Variants in INPP5A observed in about 807,000 individuals in gnomAD.
INPP5A encodes the protein 43 kDa inositol polyphosphate 5-phophatase.
A neutral mutation model predicts 65.2 loss-of-function variants in INPP5A; 14 were observed. That is an observed-to-expected ratio of 0.21 (90% CI 0.14 to 0.34). INPP5A has a LOEUF of 0.34. Among genes scored for constraint, INPP5A ranks in the 10% least tolerant of loss-of-function variants. INPP5A has a pLI of 1.00. For synonymous variants in INPP5A, 207 were observed against 208.3 expected (o/e 0.99, Z 0.05); for missense variants, 431 against 545.6 (o/e 0.79, Z 2.09).
intron 1 of INPP5A, among the ~76,000 whole-genome samples, chr10:132,607,667 G>C (rs886788562): frequency 6.6e-6 from 1 of 152,256 alleles, no homozygotes; most frequent in Non-Finnish European, 1.5e-5. Flanking sequence ...GACGCTGCCC[G>C]AGCTTTCCTG....
chr10:132,671,078 GTC>G, intron 4 of INPP5A, among the ~76,000 whole-genome samples: 1 of 152,066 alleles, frequency 6.6e-6, no homozygotes, highest in South Asian at 2.1e-4. Flanking sequence ...AAAAGAGAAG[GTC>G]TCTCTTTCAT....
In INPP5A at chr10:132,550,249, C is replaced by A. The variant is rs1395319850; in HGVS notation, c.75+12078C>A. 6.6e-6 allele frequency among the ~76,000 whole-genome samples: 1 copy of A among 152,184 alleles called. No homozygotes were observed. Among genetic ancestry groups the A allele is most frequent in the African/African-American group, 2.4e-5 (1 of 41,436 alleles). ...ACTGTTTAGGGTCAGAGTGGTCCCG[C>A]AGGTTAATTCACTTCACCCAGCCTC... On this transcript the variant is annotated intron_variant, in intron 1 of 15. Transcript: ENST00000368594. This position sits in a 1 kb window ranked among gnomAD's most constrained non-coding sequence, Gnocchi z 4.2.
intron 1 of INPP5A, among the ~76,000 whole-genome samples, chr10:132,566,218 A>G (rs1449501687): frequency 6.6e-6 from 1 of 152,206 alleles, no homozygotes; most frequent in Non-Finnish European, 1.5e-5. Context: ...AGAGAGGGAG[A>G]CACTAAATTG....
chr10:132,543,598 T>G (rs1406798211), intron 1 of INPP5A, among the ~76,000 whole-genome samples: 2 of 152,238 alleles, frequency 1.3e-5, no homozygotes, highest in Non-Finnish European at 2.9e-5. Context: ...TTTTACTTTT[T>G]GAGAAGATGA....
intron 11 of INPP5A, among the ~76,000 whole-genome samples, chr10:132,761,286 T>C (rs774221901): frequency 1.8e-4 from 28 of 152,330 alleles, no homozygotes; most frequent in Admixed American, 6.5e-4. Context: ...AGCAAATGCC[T>C]AGATTGTCTG....
Position 132,583,552 on chromosome 10 carries a change from T to TA in INPP5A, c.76-24352dup, listed in dbSNP as rs896161067. On this transcript the variant is annotated intron_variant, in intron 1 of 15. Coordinates refer to ENST00000368594, the MANE Select transcript of INPP5A (RefSeq NM_005539.5). ...TGGAGTGTTTTTGTCATTGTTCCTTTAAAAAAAAAAATGTCCTTTATCAAA... is the reference window on the plus strand; with the variant it reads ...TGGAGTGTTTTTGTCATTGTTCCTTTAAAAAAAAAAAATGTCCTTTATCAAA... Among the ~76,000 whole-genome samples the TA allele has an allele frequency of 4.9e-3, 720 of 148,260 alleles. 6 individuals carry two copies. Among genetic ancestry groups the TA allele is most frequent in the African/African-American group, 0.016 (667 of 40,676 alleles).
chr10:132,609,591 C>T lies in INPP5A; in HGVS notation c.117+1635C>T, dbSNP rs73399385. ...ACACAGCTGAAATCAGAATCTGCCC[C>T]TGTGTTTTGGTGTTTTTCCTTTTTG... On this transcript the variant is annotated intron_variant, in intron 2 of 15. Coordinates refer to ENST00000368594, the MANE Select transcript of INPP5A (RefSeq NM_005539.5). Among the ~76,000 whole-genome samples, 609 of 152,338 alleles carry T rather than the reference C, an allele frequency of 4.0e-3. 3 individuals are homozygous for T. Among genetic ancestry groups the T allele is most frequent in the African/African-American group, 0.014 (582 of 41,570 alleles).
chr10:132,623,680 TG>T (rs2072137098), intron 2 of INPP5A, among the ~76,000 whole-genome samples: 1 of 152,214 alleles, frequency 6.6e-6, no homozygotes, highest in Non-Finnish European at 1.5e-5. Flanking sequence ...TTCTGCTCTT[TG>T]TTAAGACACT....
At chr10:132,738,319 G>A (rs1393699402) in intron 9 of INPP5A, among the ~76,000 whole-genome samples, 2 of 152,184 alleles carry the variant, frequency 1.3e-5, no homozygotes, top group African/African-American at 4.8e-5. Flanking sequence ...CATCGCACCC[G>A]GCTCCCTTAC....
intron 12 of INPP5A, among the ~76,000 whole-genome samples, chr10:132,768,834 C>T (rs528759617): frequency 5.3e-5 from 8 of 152,364 alleles, no homozygotes; most frequent in South Asian, 2.1e-4. Context: ...CATTGCAAAC[C>T]GGCCGAGCAG....
rs185312598 is a variant in INPP5A, at chr10:132,562,425, C to T, written c.75+24254C>T. Among the ~76,000 whole-genome samples the T allele has an allele frequency of 3.7e-4, 57 of 152,348 alleles. No individual in the cohort carries two copies. The East Asian group carries it at 0.011, about 29-fold the overall frequency. ...TAGGTGAACCTGGGCCTGGGGGTGG[C>T]TCCCCCCATGAGGTGCGTAGAGTTC... is the stretch of plus-strand genomic sequence containing the variant. On this transcript the variant is annotated intron_variant, in intron 1 of 15. Coordinates refer to ENST00000368594, the MANE Select transcript of INPP5A (RefSeq NM_005539.5).
At chr10:132,583,856 C>A in intron 1 of INPP5A, among the ~76,000 whole-genome samples, 1 of 152,038 alleles carries the variant, frequency 6.6e-6, no homozygotes, top group East Asian at 1.9e-4. Flanking sequence ...CCAAGGGGGG[C>A]GGATAGCTTG....
Position 132,678,200 on chromosome 10 carries a change from A to G in INPP5A, c.307-12192A>G, listed in dbSNP as rs1023359880. ...AGAGCGGACGGTCACAGCCCCCCGT[A>G]TGCTGCCTGGGGGTGGCACTGGGGG... On this transcript the variant is annotated intron_variant, in intron 4 of 15. Transcript: ENST00000368594. The surrounding 1 kb of genome is among the most constrained non-coding windows in gnomAD (Gnocchi z 4.1). 2.6e-5 allele frequency among the ~76,000 whole-genome samples: 4 copies of G among 152,204 alleles called. No individual in the cohort carries two copies. The highest frequency in any genetic ancestry group is 2.0e-4 in the Admixed American group (3 of 15,288).
chr10:132,673,990 C>T (rs1344827921), intron 4 of INPP5A, among the ~76,000 whole-genome samples: 1 of 152,228 alleles, frequency 6.6e-6, no homozygotes, highest in Non-Finnish European at 1.5e-5. Flanking sequence ...CCATTCCTGC[C>T]ATCATGGCCA....
At chr10:132,773,873 C>T (rs760012125) in intron 12 of INPP5A, among the ~76,000 whole-genome samples, 4 of 152,310 alleles carry the variant, frequency 2.6e-5, no homozygotes, top group Non-Finnish European at 5.9e-5. Flanking sequence ...CGATTTTCCC[C>T]CCTCAGCCTC....
rs1207702938 is a variant in INPP5A at position 132,672,755 on chromosome 10, C to A, written c.307-17637C>A. 2.0e-5 allele frequency among the ~76,000 whole-genome samples: 3 copies of A among 152,216 alleles called. No homozygotes were observed. The East Asian group carries it at 5.8e-4, about 29-fold the overall frequency. ...CTCTTCAAAAACGACTTCCACTCCC[C>A]CTCTGCATTCCCTCTAGGTTCCAGT... On this transcript the variant is annotated intron_variant, in intron 4 of 15. Coordinates refer to ENST00000368594, the MANE Select transcript of INPP5A (RefSeq NM_005539.5).
At chr10:132,584,594 A>G (rs908975794) in intron 1 of INPP5A, among the ~76,000 whole-genome samples, 2 of 152,198 alleles carry the variant, frequency 1.3e-5, no homozygotes, top group African/African-American at 4.8e-5. Context: ...TTTAATGTCT[A>G]TAGTGATAAC....
At chr10:132,634,988 A>G (rs2072324949) in intron 2 of INPP5A, among the ~76,000 whole-genome samples, 3 of 152,198 alleles carry the variant, frequency 2.0e-5, no homozygotes, top group South Asian at 4.1e-4. Context: ...CAGCCTTGCA[A>G]TTGGAAAGTC....
intron 3 of INPP5A, among the ~76,000 whole-genome samples, chr10:132,647,887 T>C (rs2072519648): frequency 6.6e-6 from 1 of 152,154 alleles, no homozygotes; most frequent in African/African-American, 2.4e-5. Context: ...GTCTAAAATA[T>C]AGGAGAAAAT....
Sources: allele counts gnomAD v4.1 joint callset (sites outside exome capture counted in the v4.1 genomes callset), GRCh38; gene constraint gnomAD v4.1.1; non-coding constraint Gnocchi (gnomAD v3.1); transcripts MANE v1.5; gene names NCBI Gene and HGNC (gene_info 2026-07-23, HGNC 2026-07-21).